The following FGF12 variants were observed in gnomAD, a reference collection of about 807,000 sequenced individuals.
FGF12 encodes the protein fibroblast growth factor 12B.
A neutral mutation model predicts 23.6 loss-of-function variants in FGF12; 14 were observed. The observed-to-expected ratio is 0.59, with a 90% CI of 0.39 to 0.93. The LOEUF is 0.93. Among genes scored for constraint, FGF12 ranks in the 40% least tolerant of loss-of-function variants. The probability of loss-of-function intolerance (pLI) is 0.00; values close to 1 mark genes in which losing one functional copy is unlikely to be tolerated. For synonymous variants in FGF12, 62 were observed against 77.3 expected (o/e 0.80, Z 1.04); for missense variants, 175 against 217.8 (o/e 0.80, Z 1.24).
intron 2 of FGF12, among the ~76,000 whole-genome samples, chr3:192,473,008 C>T (rs79632767): frequency 0.024 from 3,622 of 152,226 alleles, 126 homozygotes; most frequent in African/African-American, 0.081. Context: ...AAGATTTAGC[C>T]ATTTTCTCTT....
chr3:192,543,350 C>CTT (rs1725418438), intron 2 of FGF12, among the ~76,000 whole-genome samples: 1 of 152,118 alleles, frequency 6.6e-6, no homozygotes, highest in Non-Finnish European at 1.5e-5. Context: ...CCCAAGGGCA[C>CTT]TTCAGTCAGC....
At chr3:192,442,420 TATAAA>T (rs1236694906) in intron 2 of FGF12, among the ~76,000 whole-genome samples, 2 of 152,162 alleles carry the variant, frequency 1.3e-5, no homozygotes, top group Non-Finnish European at 2.9e-5. Context: ...TCAGCAATAT[TATAAA>T]AGAAAAGATA....
chr3:192,469,216 A>G (rs1164064315), intron 2 of FGF12, among the ~76,000 whole-genome samples: 1 of 152,156 alleles, frequency 6.6e-6, no homozygotes, highest in East Asian at 1.9e-4. Flanking sequence ...TCTTTTTATG[A>G]AAGAATGCAA....
At chr3:192,146,272 A>ATATATTT (rs746233904) in intron 5 of FGF12, among the ~76,000 whole-genome samples, 1 of 143,254 alleles carries the variant, frequency 7.0e-6, no homozygotes, top group African/African-American at 2.6e-5. Flanking sequence ...TAAAGTGTAT[A>ATATATTT]TTTTTTTTTT....
At chr3:192,444,671 G>A (rs1722298902) in intron 2 of FGF12, among the ~76,000 whole-genome samples, 1 of 152,208 alleles carries the variant, frequency 6.6e-6, no homozygotes, top group Admixed American at 6.5e-5. Context: ...GCTACGCACA[G>A]GAGGCCAGGA....
chr3:192,391,864 A>G (rs1302668154), intron 2 of FGF12, among the ~76,000 whole-genome samples: 6 of 152,246 alleles, frequency 3.9e-5, no homozygotes, highest in Non-Finnish European at 5.9e-5. Flanking sequence ...TGTATCAGGA[A>G]GAACTAAGAA....
chr3:192,304,460 T>C (rs1485288001), intron 4 of FGF12, among the ~76,000 whole-genome samples: 3 of 152,180 alleles, frequency 2.0e-5, no homozygotes, highest in African/African-American at 7.2e-5. Context: ...CACAGGTCTG[T>C]CTAAACAGAG....
At chr3:192,703,159 T>C (rs1718355747) in intron 2 of FGF12, among the ~76,000 whole-genome samples, 1 of 152,220 alleles carries the variant, frequency 6.6e-6, no homozygotes, top group South Asian at 2.1e-4. Flanking sequence ...TTTATCTTCC[T>C]TATACAGGCA....
intron 4 of FGF12, among the ~76,000 whole-genome samples, chr3:192,269,088 T>TA (rs1452263360): frequency 2.0e-5 from 3 of 151,816 alleles, no homozygotes; most frequent in Non-Finnish European, 4.4e-5. Flanking sequence ...CTAATTTTTG[T>TA]ATTTTTAGTA....
intron 2 of FGF12, among the ~76,000 whole-genome samples, chr3:192,447,469 T>C (rs1441431743): frequency 2.0e-5 from 3 of 152,168 alleles, no homozygotes; most frequent in East Asian, 1.9e-4. Context: ...AAAAACTTAG[T>C]GAAGTAAAAA....
At chr3:192,266,761 G>T (rs1470628758) in intron 4 of FGF12, among the ~76,000 whole-genome samples, 1 of 150,816 alleles carries the variant, frequency 6.6e-6, no homozygotes, top group Admixed American at 6.6e-5. Context: ...TATTAACCAC[G>T]TTCTTTTCAA....
intron 2 of FGF12, among the ~76,000 whole-genome samples, chr3:192,652,459 G>A (rs1716248849): frequency 6.6e-6 from 1 of 152,148 alleles, no homozygotes. Context: ...GAGAAAGCCA[G>A]ACCAGCCCTG....
chr3:192,726,496 GTTCAT>G (rs2108750693), intron 2 of FGF12, among the ~76,000 whole-genome samples: 1 of 152,274 alleles, frequency 6.6e-6, no homozygotes, highest in East Asian at 1.9e-4. Context: ...GATTTTTACA[GTTCAT>G]TTATCAGTTG....
intron 2 of FGF12, among the ~76,000 whole-genome samples, chr3:192,641,483 C>T (rs1244835144): frequency 4.0e-5 from 6 of 149,944 alleles, no homozygotes; most frequent in African/African-American, 9.9e-5. Flanking sequence ...CGGCTCATCA[C>T]AACCTCTGTC....
chr3:192,692,731 T>G (rs1274949867), intron 2 of FGF12, among the ~76,000 whole-genome samples: 1 of 151,442 alleles, frequency 6.6e-6, no homozygotes, highest in Non-Finnish European at 1.5e-5. Flanking sequence ...AAAAAAATCA[T>G]TTTAATAAAT....
intron 2 of FGF12, among the ~76,000 whole-genome samples, chr3:192,492,574 T>TA (rs568319941): frequency 1.3e-5 from 2 of 151,858 alleles, no homozygotes; most frequent in Non-Finnish European, 2.9e-5. Context: ...ATGAAACTGT[T>TA]AAAAAAAAGT....
At chr3:192,489,616 C>T (rs1723739674) in intron 2 of FGF12, among the ~76,000 whole-genome samples, 1 of 152,068 alleles carries the variant, frequency 6.6e-6, no homozygotes, top group African/African-American at 2.4e-5. Flanking sequence ...GTTTGGGAAA[C>T]TTTTACTCCC....
At chr3:192,477,162 G>A (rs1238762031) in intron 2 of FGF12, among the ~76,000 whole-genome samples, 3 of 152,136 alleles carry the variant, frequency 2.0e-5, no homozygotes, top group African/African-American at 7.2e-5. Flanking sequence ...AGAAGGCAGC[G>A]GTGACATTCT....
Position 192,658,443 on chromosome 3 carries a change from C to T in FGF12, c.13+68738G>A, listed in dbSNP as rs186331563. Among the ~76,000 whole-genome samples the T allele has an allele frequency of 8.5e-5, 13 of 152,286 alleles. No homozygotes were observed. The East Asian group carries it at 2.5e-3, about 29-fold the overall frequency. On this transcript the variant is annotated intron_variant, in intron 2 of 5. Coordinates refer to ENST00000445105, the MANE Select transcript of FGF12 (RefSeq NM_004113.6). ...CTACCAGCAGTTTTATTACTTCTGC[C>T]ATGACTTTCTGAAGCTGAGCAAGCT...
Sources: gnomAD v4.1 joint callset for allele counts (sites outside exome capture counted in the v4.1 genomes callset) on GRCh38, gnomAD v4.1.1 for gene constraint, MANE v1.5 for transcripts, NCBI Gene and HGNC (gene_info 2026-07-23, HGNC 2026-07-21) for gene names.